KIF5C: variants seen among roughly 807,000 people sequenced by gnomAD.
KIF5C encodes the protein kinesin family member 5C, also known as kinesin heavy chain isoform 5C.
In KIF5C, 18 loss-of-function variants were observed where a neutral mutation model predicts 125.2. That is an observed-to-expected ratio of 0.14 (90% CI 0.10 to 0.21). KIF5C has a LOEUF of 0.21. KIF5C is among the 10% of genes least tolerant of loss of function. The probability of loss-of-function intolerance (pLI) is 1.00; values close to 1 mark genes in which losing one functional copy is unlikely to be tolerated. For synonymous variants in KIF5C, 405 were observed against 434.0 expected (o/e 0.93, Z 0.83); for missense variants, 780 against 1,183.8 (o/e 0.66, Z 5.01).
chr2:148,940,522 G>A (rs771465971), intron 4 of KIF5C, among the ~76,000 whole-genome samples: 4 of 152,166 alleles, frequency 2.6e-5, no homozygotes, highest in Non-Finnish European at 5.9e-5. Flanking sequence ...TCAGAGCTGG[G>A]ACCAGTGCTG....
At chr2:148,915,945 AC>A (rs1681530609) in intron 1 of KIF5C, among the ~76,000 whole-genome samples, 1 of 151,908 alleles carries the variant, frequency 6.6e-6, no homozygotes, top group Admixed American at 6.6e-5. Context: ...TAAAGTATTG[AC>A]CCCCCAACTC....
At chr2:148,938,898 C>CA (rs1374971656) in intron 4 of KIF5C, among the ~76,000 whole-genome samples, 1 of 151,450 alleles carries the variant, frequency 6.6e-6, no homozygotes, top group African/African-American at 2.4e-5. Context: ...CCAGCCTGGC[C>CA]AACATGGTGA....
intron 25 of KIF5C, among the ~76,000 whole-genome samples, chr2:149,021,194 C>T (rs13382461): frequency 0.027 from 4,061 of 152,222 alleles, 171 homozygotes; most frequent in African/African-American, 0.094. Flanking sequence ...TCCCAAGTAG[C>T]TGGGACTACA....
intron 1 of KIF5C, among the ~76,000 whole-genome samples, chr2:148,887,829 A>G (rs551724558): frequency 4.0e-4 from 61 of 151,500 alleles, no homozygotes; most frequent in African/African-American, 1.4e-3. Context: ...TCCCCACGCT[A>G]GTAGTACGCT....
intron 22 of KIF5C, among the ~76,000 whole-genome samples, chr2:149,007,017 G>A (rs185950033): frequency 1.4e-4 from 22 of 152,260 alleles, no homozygotes; most frequent in South Asian, 4.1e-4. Flanking sequence ...TTTTTCTGCC[G>A]GTGGTTCTCT....
intron 10 of KIF5C, among the ~76,000 whole-genome samples, chr2:148,959,915 A>G (rs1052293663): frequency 1.2e-4 from 19 of 152,166 alleles, no homozygotes; most frequent in African/African-American, 2.9e-4. Context: ...CTACCAGGCA[A>G]TCTTTTCCTT....
chr2:148,961,274 G>A (rs959004908), intron 10 of KIF5C, among the ~76,000 whole-genome samples: 2 of 152,040 alleles, frequency 1.3e-5, no homozygotes, highest in African/African-American at 4.8e-5. Flanking sequence ...CCTCCTCACC[G>A]CATGGTGATG....
chr2:148,990,877 C>T (rs578125659), intron 15 of KIF5C, 133 bp from the exon 16 acceptor site: 15 of 1,416,988 alleles, frequency 1.1e-5, no homozygotes, highest in East Asian at 1.0e-4. Flanking sequence ...TAGTACTTTC[C>T]GCTTGTCCTT....
chr2:148,956,975 A>G (rs1042737144), intron 10 of KIF5C, among the ~76,000 whole-genome samples: 2 of 152,234 alleles, frequency 1.3e-5, no homozygotes, highest in African/African-American at 2.4e-5. Flanking sequence ...TAAGGCTTCT[A>G]TGGGTCATTG....
chr2:149,000,605 C>T lies in KIF5C; in HGVS notation c.2312+81C>T, dbSNP rs1013742105. The T allele has an allele frequency of 7.0e-6, 11 of 1,572,476 alleles. No homozygotes were observed. The African/African-American group carries it at 1.5e-4, about 21-fold the overall frequency. On this transcript the variant is annotated intron_variant, in intron 20 of 25. Coordinates refer to ENST00000435030, the MANE Select transcript of KIF5C (RefSeq NM_004522.3). ...TAGATTGGGCTAATTTAAAAACAGA[C>T]AATGGCTATTTGTGTGCTTGTTGGT...
Position 148,875,716 on chromosome 2 carries a change from T to A in KIF5C, c.99T>A (p.Phe33Leu). Reference sequence around the variant, plus strand: ...GCGGGGACAAATTCATCCCCAAATTTAAAGGCGATGAGACCGTGGTGATCG... The same window carrying A: ...GCGGGGACAAATTCATCCCCAAATTAAAAGGCGATGAGACCGTGGTGATCG... ...ILRGDKFIPK[F>L]KGDETVVIGQ... Residue 33 changes from phenylalanine (F) to leucine (L), a missense_variant, in exon 1 of 26, where the codon TTT becomes TTA. Physicochemically the swap from Phe to Leu is conservative, Grantham distance 22. Around this residue, in one of 2 missense-constraint regions of KIF5C, gnomAD observed 207 missense variants for 441.2 expected, o/e 0.47. Coordinates refer to ENST00000435030, the MANE Select transcript of KIF5C (RefSeq NM_004522.3). 6.2e-7 allele frequency: 1 copy of A among 1,603,974 alleles called. No individual in the cohort carries two copies. The highest frequency in any genetic ancestry group is 8.5e-7 in the Non-Finnish European group (1 of 1,175,742).
At chr2:148,895,776 G>T (rs1681821687) in intron 1 of KIF5C, among the ~76,000 whole-genome samples, 1 of 151,926 alleles carries the variant, frequency 6.6e-6, no homozygotes, top group Admixed American at 6.6e-5. Context: ...TCTGGTGAGG[G>T]CTATCTTCCT....
At chr2:148,880,940 T>TA (rs201207663) in intron 1 of KIF5C, among the ~76,000 whole-genome samples, 2,797 of 138,028 alleles carry the variant, frequency 0.02, 42 homozygotes, top group Non-Finnish European at 0.031. Flanking sequence ...ATTCACTAGC[T>TA]AAAAAAAAAC....
At chr2:149,009,974 C>T (rs1236601059) in intron 23 of KIF5C, among the ~76,000 whole-genome samples, 161 bp from the exon 24 acceptor site, 2 of 152,158 alleles carry the variant, frequency 1.3e-5, no homozygotes, top group African/African-American at 2.4e-5. Context: ...AACCTGGACC[C>T]CACAGTCTGA....
intron 12 of KIF5C, among the ~76,000 whole-genome samples, chr2:148,978,542 T>G (rs1681142857): frequency 6.6e-6 from 1 of 152,078 alleles, no homozygotes. Context: ...CATATGACAG[T>G]GCAGCTAGGT....
chr2:149,012,296 G>A (rs2105203420), intron 25 of KIF5C, among the ~76,000 whole-genome samples: 1 of 152,356 alleles, frequency 6.6e-6, no homozygotes, highest in East Asian at 1.9e-4. Context: ...AAGAGAAGAA[G>A]CAGAGAGCGA....
At position 148,934,256 on chromosome 2, in the gene KIF5C, A is replaced by G. The variant is rs558807092; in HGVS notation, c.292-3028A>G. ...ACACACAGATATATACACACCACATACAAACACACCACACACCACACACTA... is the reference window on the plus strand; with the variant it reads ...ACACACAGATATATACACACCACATGCAAACACACCACACACCACACACTA... On this transcript the variant is annotated intron_variant, in intron 3 of 25. Transcript: ENST00000435030. Among the ~76,000 whole-genome samples, 1,015 of 151,146 alleles carry G rather than the reference A, an allele frequency of 6.7e-3. 10 individuals are homozygous for G. Among genetic ancestry groups the G allele is most frequent in the African/African-American group, 0.022 (901 of 41,086 alleles).
chr2:148,942,622 T>G, intron 6 of KIF5C, 51 bp from the exon 7 acceptor site: 1 of 1,566,350 alleles, frequency 6.4e-7, no homozygotes, highest in East Asian at 2.4e-5. Context: ...TTTCAAAATA[T>G]TGTTGCTTTT....
At chr2:149,010,723 G>T (rs1288130927) in intron 24 of KIF5C, among the ~76,000 whole-genome samples, 1 of 152,222 alleles carries the variant, frequency 6.6e-6, no homozygotes, top group Non-Finnish European at 1.5e-5. Context: ...TGCACCCGGT[G>T]GGAGCATGAA....
Sources: allele counts gnomAD v4.1 joint callset (sites outside exome capture counted in the v4.1 genomes callset), GRCh38; gene constraint gnomAD v4.1.1; regional missense constraint gnomAD v4.1.1; transcripts MANE v1.5; gene names NCBI Gene and HGNC (gene_info 2026-07-23, HGNC 2026-07-21).